Variants in ASXL1 observed in about 807,000 individuals in gnomAD.
The protein encoded by ASXL1 is polycomb group protein ASXL1.
ASXL1 carries 65 observed loss-of-function variants against 89.1 expected under a neutral mutation model. That is an observed-to-expected ratio of 0.73 (90% CI 0.60 to 0.90). The LOEUF is 0.90. Ranked by LOEUF, ASXL1 falls within the 40% of genes least tolerant of loss-of-function variation. ASXL1 has a pLI of 0.00. For missense variants in ASXL1, 1,786 were observed against 1,942.9 expected, an observed-to-expected ratio of 0.92 and a Z score of 1.52; for synonymous variants, 739 against 746.9, an observed-to-expected ratio of 0.99 and a Z score of 0.17.
chr20:32,362,505 G>A (rs923593626), intron 1 of ASXL1, among the ~76,000 whole-genome samples: 3 of 151,916 alleles, frequency 2.0e-5, no homozygotes, highest in East Asian at 1.9e-4. Flanking sequence ...GCGTGGTGGC[G>A]AGTGCCTGTA....
chr20:32,386,949 G>T (rs904260109), intron 4 of ASXL1, among the ~76,000 whole-genome samples: 2 of 151,966 alleles, frequency 1.3e-5, no homozygotes, highest in South Asian at 2.1e-4. Flanking sequence ...TTTCCAGCTG[G>T]TGCGTAACTA....
intron 4 of ASXL1, among the ~76,000 whole-genome samples, chr20:32,392,206 C>T (rs2048684489): frequency 6.6e-6 from 1 of 151,714 alleles, no homozygotes; most frequent in African/African-American, 2.4e-5. Flanking sequence ...CCTCTAACTT[C>T]TGGGCTCAAG....
intron 1 of ASXL1, among the ~76,000 whole-genome samples, chr20:32,364,256 C>T (rs956026455): frequency 4.6e-5 from 7 of 152,118 alleles, no homozygotes; most frequent in Non-Finnish European, 8.8e-5. Flanking sequence ...CACTCTGTCA[C>T]CCTGGCTGAA....
At chr20:32,434,088 C>G in intron 12 of ASXL1, 171 bp downstream of exon 12, 2 of 974,736 alleles carry the variant, frequency 2.1e-6, no homozygotes, top group Non-Finnish European at 1.5e-6. Context: ...AGGTTCTTTT[C>G]TTCCTCACTT....
intron 4 of ASXL1, among the ~76,000 whole-genome samples, chr20:32,375,689 G>GT (rs1378355994): frequency 1.3e-5 from 2 of 149,510 alleles, no homozygotes; most frequent in African/African-American, 4.9e-5. Context: ...GTTTTGTTTT[G>GT]TTTTGTTTTT....
chr20:32,433,177 A>T (rs1215968821), intron 11 of ASXL1, 107 bp from the exon 12 acceptor site: 1 of 1,562,684 alleles, frequency 6.4e-7, no homozygotes, highest in Non-Finnish European at 8.7e-7. Context: ...CACCACACAG[A>T]TTTATTTTGT....
chr20:32,367,142 C>T (rs1007884420), intron 2 of ASXL1, among the ~76,000 whole-genome samples: 2 of 151,226 alleles, frequency 1.3e-5, no homozygotes. Context: ...CTTTGGGAGG[C>T]CAAGGCAGGC....
At chr20:32,402,521 G>T (rs1450031833) in intron 4 of ASXL1, among the ~76,000 whole-genome samples, 1 of 152,242 alleles carries the variant, frequency 6.6e-6, no homozygotes, top group African/African-American at 2.4e-5. Context: ...ATTTAACTCT[G>T]TAAGAAACGA....
chr20:32,412,652 A>G (rs1353328828), intron 4 of ASXL1, among the ~76,000 whole-genome samples: 1 of 149,390 alleles, frequency 6.7e-6, no homozygotes, highest in Admixed American at 6.7e-5. Context: ...CTGGAGGGCA[A>G]TGGTGGGATC....
rs368624471 is a variant in ASXL1 at position 32,436,886 on chromosome 20, C to T, written c.4174C>T (p.Pro1392Ser). 11 of 1,614,074 alleles carry T rather than the reference C, an allele frequency of 6.8e-6. No individual in the cohort carries two copies. In the African/African-American group the frequency reaches 1.2e-4, roughly 18 times the overall value. Reference sequence around the variant, plus strand: ...GAACAGGAAAGCTACTGGGCATAGTCCCCTGGAACTGGTGGGTCACTTGGA... The same window carrying T: ...GAACAGGAAAGCTACTGGGCATAGTTCCCTGGAACTGGTGGGTCACTTGGA... ...AENRKATGHS[P>S]LELVGHLEGM... Residue 1392 changes from proline (P) to serine (S), a missense_variant, in exon 13 of 13, where the codon CCC becomes TCC. Pro to Ser is a moderately conservative substitution (Grantham distance 74). Around this residue, in one of 3 missense-constraint regions of ASXL1, gnomAD observed 1,418 missense variants for 1,427.8 expected, o/e 0.99. Transcript: ENST00000375687.
chr20:32,424,479 G>A (rs1421781163), intron 4 of ASXL1, among the ~76,000 whole-genome samples: 5 of 152,160 alleles, frequency 3.3e-5, no homozygotes, highest in Non-Finnish European at 5.9e-5. Context: ...AGGTTGCAGT[G>A]AGCCGAGATC....
At chr20:32,382,586 A>AC (rs2048505597) in intron 4 of ASXL1, among the ~76,000 whole-genome samples, 1 of 149,508 alleles carries the variant, frequency 6.7e-6, no homozygotes, top group Non-Finnish European at 1.5e-5. Flanking sequence ...AGCCTGGGCA[A>AC]CATATGGAGA....
At chr20:32,392,408 G>A (rs1298754233) in intron 4 of ASXL1, among the ~76,000 whole-genome samples, 21 of 151,232 alleles carry the variant, frequency 1.4e-4, no homozygotes, top group African/African-American at 4.6e-4. Flanking sequence ...TCAGTCTCCC[G>A]AGTAGCTGAG....
intron 4 of ASXL1, chr20:32,372,626 G>T: frequency 1.1e-5 from 2 of 182,536 alleles, no homozygotes; most frequent in Non-Finnish European, 2.2e-5. Flanking sequence ...ACAGAGTCTT[G>T]CTCTGTAACC....
Position 32,435,564 on chromosome 20 carries a change from A to T in ASXL1, c.2852A>T (p.Asp951Val). 1.2e-6 allele frequency: 2 copies of T among 1,614,028 alleles called. No individual in the cohort carries two copies. Among genetic ancestry groups the T allele is most frequent in the East Asian group, 2.2e-5 (1 of 44,868 alleles). ...PGDLTAEEGL[D>V]PLDSLTSLWT... ...GATTTGACAGCTGAGGAGGGTCTAG[A>T]TCCTCTTGACAGCCTTACTTCACTC... Residue 951 changes from aspartate to valine, a missense_variant, in exon 13 of 13, where the codon GAT becomes GTT. Asp to Val is a radical substitution (Grantham distance 152). This residue lies in a region of ASXL1 where 1,418 missense variants were observed against 1,427.8 expected (regional missense o/e 0.99). Coordinates refer to ENST00000375687, the MANE Select transcript of ASXL1 (RefSeq NM_015338.6).
chr20:32,404,677 G>A (rs1021094934), intron 4 of ASXL1, among the ~76,000 whole-genome samples: 3 of 152,028 alleles, frequency 2.0e-5, no homozygotes, highest in South Asian at 2.1e-4. Flanking sequence ...TTGCTGTGTC[G>A]AATATGAGTG....
Position 32,435,606 on chromosome 20 carries a change from G to A in ASXL1, c.2894G>A (p.Arg965Gln), listed in dbSNP as rs2011792041. 1.2e-6 allele frequency: 2 copies of A among 1,613,250 alleles called. No individual in the cohort carries two copies. The highest frequency in any genetic ancestry group is 1.7e-6 in the Non-Finnish European group (2 of 1,179,294). ...SLTSLWTVPSRGGSDSNGSYC... is the reference protein window; with the variant it reads ...SLTSLWTVPSQGGSDSNGSYC... ...ACTTCACTCTGGACTGTGCCATCTC[G>A]AGGAGGCAGTGACAGCAATGGCAGT... The change falls in exon 13 of 13, where the codon CGA (arginine) becomes CAA (glutamine). Residue 965 changes from arginine to glutamine, a missense_variant. By Grantham distance (43) the Arg-to-Gln change is conservative (BLOSUM62 1). Transcript: ENST00000375687.
intron 3 of ASXL1, among the ~76,000 whole-genome samples, chr20:32,368,808 A>G (rs1367701245): frequency 6.6e-6 from 1 of 152,194 alleles, no homozygotes; most frequent in African/African-American, 2.4e-5. Flanking sequence ...GTATCACATA[A>G]TGTTTATTCC....
rs1298154301 is a variant in ASXL1, at chr20:32,358,457, C to T, written c.-319C>T. The stretch of plus-strand genomic sequence containing the variant: ...CCTCAGCAGAGCGGGAAAGCGGAGG[C>T]CGGAGCCGTGACCTCTGACCCCGTG... On this transcript the variant is annotated 5_prime_UTR_variant, in exon 1 of 13. Coordinates refer to ENST00000375687, the MANE Select transcript of ASXL1 (RefSeq NM_015338.6). 3 of 232,046 alleles carry T rather than the reference C, an allele frequency of 1.3e-5. No individual in the cohort carries two copies. The highest frequency in any genetic ancestry group is 2.6e-5 in the Non-Finnish European group (3 of 117,614). The allele number at this position is 232,046 out of a possible 1,614,324, so 14.4% of individuals were successfully genotyped here. A position where few individuals can be genotyped will look rare whatever the true frequency, so the allele number is the denominator to read the frequency against.
Sources: allele counts gnomAD v4.1 joint callset (sites outside exome capture counted in the v4.1 genomes callset), GRCh38; gene constraint gnomAD v4.1.1; regional missense constraint gnomAD v4.1.1; transcripts MANE v1.5; gene names NCBI Gene and HGNC (gene_info 2026-07-23, HGNC 2026-07-21).